Variants in ALOX15B observed in about 807,000 individuals in gnomAD.
The protein encoded by ALOX15B is arachidonate 15-lipoxygenase type B, also known as polyunsaturated fatty acid lipoxygenase ALOX15B.
A neutral mutation model predicts 73.8 loss-of-function variants in ALOX15B; 74 were observed. The observed-to-expected ratio is 1.00, with a 90% CI of 0.83 to 1.22. The LOEUF (loss-of-function observed/expected upper bound fraction) is 1.22, where lower values mean the gene tolerates loss of function less well. ALOX15B is among the 50% of genes most tolerant of loss of function. The pLI is 0.00. For missense variants in ALOX15B, 896 were observed against 859.9 expected, an observed-to-expected ratio of 1.04 and a Z score of -0.52; for synonymous variants, 353 against 357.2, an observed-to-expected ratio of 0.99 and a Z score of 0.13.
At chr17:8,039,748 C>G in intron 2 of ALOX15B, 143 bp downstream of exon 2, 1 of 1,198,152 alleles carries the variant, frequency 8.3e-7, no homozygotes, top group South Asian at 1.5e-5. Context: ...ATGGCGGAGC[C>G]TTGGGGAGCG....
At position 8,045,228 on chromosome 17, in the gene ALOX15B, T is replaced by C; in HGVS notation, c.850-10T>C. 1.2e-6 allele frequency: 2 copies of C among 1,613,682 alleles called. No homozygotes were observed. Among genetic ancestry groups the C allele is most frequent in the Non-Finnish European group, 1.7e-6 (2 of 1,179,914 alleles). Reference sequence around the variant, plus strand: ...CCAGGTGGCAGCCCCAGATCTCCTTTCTTCTGCAGAAGGGCTCCCTGTTCT... The same window carrying C: ...CCAGGTGGCAGCCCCAGATCTCCTTCCTTCTGCAGAAGGGCTCCCTGTTCT... On this transcript the variant is annotated splice_polypyrimidine_tract_variant and intron_variant, in intron 6 of 13. Transcript: ENST00000380183.
Position 8,046,999 on chromosome 17 carries a change from C to A in ALOX15B, c.1380C>A (p.Ile460=), listed in dbSNP as rs1598166670. Residue 460 remains isoleucine (I), a synonymous_variant, in exon 10 of 14, where the codon ATC becomes ATA. Coordinates refer to ENST00000380183, the MANE Select transcript of ALOX15B (RefSeq NM_001141.3). Reference sequence around the variant, plus strand: ...CTCTCCTGTGTCTGCCTGAGGATATCCGGACCCGAGGAGTTGAAGACATCC... The same window carrying A: ...CTCTCCTGTGTCTGCCTGAGGATATACGGACCCGAGGAGTTGAAGACATCC... ...NYSLLCLPED[I]RTRGVEDIPG... 6.2e-7 allele frequency: 1 copy of A among 1,614,086 alleles called. No homozygotes were observed. The highest frequency in any genetic ancestry group is 2.2e-5 in the East Asian group (1 of 44,868).
rs766337032 is a variant in ALOX15B, at chr17:8,039,411, C to T, written c.173C>T (p.Pro58Leu). The T allele has an allele frequency of 4.3e-6, 7 of 1,612,938 alleles. No individual in the cohort carries two copies. The highest frequency in any genetic ancestry group is 1.7e-4 in the Middle Eastern group (1 of 6,054). The change falls in exon 2 of 14, where the codon CCG becomes CTG. Residue 58 changes from proline (P) to leucine (L), a missense_variant. Transcript: ENST00000380183. ...GAGGAGGACTTCCAGGTGACGCTCC[C>T]GGAGGACGTAGGCCGAGTGCTGCTG... ...GAEEDFQVTL[P>L]EDVGRVLLLR...
chr17:8,042,317 A>G, intron 3 of ALOX15B, 52 bp from the exon 4 acceptor site: 3 of 1,601,914 alleles, frequency 1.9e-6, no homozygotes, highest in Admixed American at 3.4e-5. Context: ...CTGCCCTAGC[A>G]AAGAGTCTCC....
intron 10 of ALOX15B, 66 bp downstream of exon 10, chr17:8,047,142 AG>A (rs2151815027): frequency 6.2e-7 from 1 of 1,609,038 alleles, no homozygotes; most frequent in South Asian, 1.1e-5. Context: ...AAGGAGACTG[AG>A]GCCCCAGGGA....
chr17:8,045,449 A>G (rs1976580286), intron 7 of ALOX15B, 34 bp from the exon 8 acceptor site: 2 of 1,613,528 alleles, frequency 1.2e-6, no homozygotes, highest in African/African-American at 1.3e-5. Context: ...GAAGACACTC[A>G]TGGCTGCCTC....
rs914107885 is a variant in ALOX15B, at chr17:8,039,979, T to A, written c.445T>A (p.Tyr149Asn). ...GGAGCTTCAGGCCCGGCAGGAGATG[T>A]ACCAGTGAGGAGGGGGTTACTGATG... ...QEELQARQEMYQWKAYNPGWP... is the reference protein window; with the variant it reads ...QEELQARQEMNQWKAYNPGWP... Residue 149 changes from tyrosine (Y) to asparagine (N), a missense_variant, in exon 3 of 14, where the codon TAC becomes AAC. Transcript: ENST00000380183. The A allele has an allele frequency of 4.3e-6, 7 of 1,612,226 alleles. No individual in the cohort carries two copies. Among genetic ancestry groups the A allele is most frequent in the Non-Finnish European group, 5.9e-6 (7 of 1,179,152 alleles).
chr17:8,039,782 G>T, intron 2 of ALOX15B, 120 bp from the exon 3 acceptor site: 1 of 1,231,344 alleles, frequency 8.1e-7, no homozygotes, highest in Non-Finnish European at 1.1e-6. Context: ...TGGTGTAGGA[G>T]AAACTGTACT....
At position 8,042,877 on chromosome 17, in the gene ALOX15B, A is replaced by G. The variant is rs1360451575; in HGVS notation, c.669A>G (p.Pro223=). ...MKRIFNFRRT[P]AAEHAFEHWQ... is the part of the protein sequence containing the mutation. The stretch of plus-strand genomic sequence containing the variant: ...GGATCTTCAACTTCCGGAGGACCCC[A>G]GCAGCTGGTGAGGAGCTTGGGCCAG... Residue 223 remains proline (P), a synonymous_variant, in exon 5 of 14, where the codon CCA becomes CCG. Transcript: ENST00000380183. 2 of 1,552,046 alleles carry G rather than the reference A, an allele frequency of 1.3e-6. No individual in the cohort carries two copies. Among genetic ancestry groups the G allele is most frequent in the Non-Finnish European group, 1.7e-6 (2 of 1,147,338 alleles).
intron 8 of ALOX15B, 43 bp downstream of exon 8, chr17:8,045,729 T>C: frequency 6.3e-7 from 1 of 1,599,004 alleles, no homozygotes; most frequent in Non-Finnish European, 8.5e-7. Context: ...CCCATGCCTC[T>C]GTGCCTCTTC....
At position 8,046,679 on chromosome 17, in the gene ALOX15B, G is replaced by T. The variant is rs765623656; in HGVS notation, c.1212G>T (p.Pro404=). The change falls in exon 9 of 14, where the codon CCG becomes CCT. Residue 404 remains proline (P), a synonymous_variant. Transcript: ENST00000380183. ...TTCCTGCCATGCAGCTGCTGATCCC[G>T]CACACCCGATACACCCTGCACATCA... The part of the protein sequence containing the change: ...HCHPLFKLLI[P]HTRYTLHINT... 3 of 1,613,272 alleles carry T rather than the reference G, an allele frequency of 1.9e-6. No homozygotes were observed. In the African/African-American group the frequency reaches 4.0e-5, roughly 22 times the overall value.
At chr17:8,044,294 T>C (rs1448431701) in intron 5 of ALOX15B, among the ~76,000 whole-genome samples, 4 of 151,110 alleles carry the variant, frequency 2.6e-5, no homozygotes, top group South Asian at 2.1e-4. Context: ...TGCTGGTGTG[T>C]GCCTGTAATC....
Position 8,039,444 on chromosome 17 carries a change from T to A in ALOX15B, c.206T>A (p.Val69Glu). ...GTAGGCCGAGTGCTGCTGCTGCGCG[T>A]GCACAAGGCGCCCCCAGTGCTGCCC... ...EDVGRVLLLR[V>E]HKAPPVLPLL... Residue 69 changes from valine (V) to glutamate (E), a missense_variant, in exon 2 of 14, where the codon GTG (valine) becomes GAG (glutamate). Transcript: ENST00000380183. The A allele has an allele frequency of 6.2e-7, 1 of 1,610,738 alleles. No individual in the cohort carries two copies. The highest frequency in any genetic ancestry group is 8.5e-7 in the Non-Finnish European group (1 of 1,178,992).
At position 8,048,410 on chromosome 17, in the gene ALOX15B, G is replaced by A; in HGVS notation, c.1876G>A (p.Glu626Lys). 2 of 1,613,672 alleles carry A rather than the reference G, an allele frequency of 1.2e-6. No individual in the cohort carries two copies. Among genetic ancestry groups the A allele is most frequent in the African/African-American group, 1.3e-5 (1 of 75,054 alleles). ...DQRPLGTYPD[E>K]HFTEEAPRRS... is the part of the protein sequence containing the mutation. ...GAGGCCCCTGGGCACCTATCCGGAT[G>A]AGCACTTCACAGAGGAGGCCCCTCG... Residue 626 changes from glutamate (E) to lysine (K), a missense_variant, in exon 14 of 14, where the codon GAG becomes AAG. Coordinates refer to ENST00000380183, the MANE Select transcript of ALOX15B (RefSeq NM_001141.3).
At chr17:8,043,869 G>A (rs775608771) in intron 5 of ALOX15B, among the ~76,000 whole-genome samples, 16 of 152,134 alleles carry the variant, frequency 1.1e-4, no homozygotes, top group Non-Finnish European at 2.1e-4. Context: ...AGGAGTTTGA[G>A]ACCAGGCTGG....
chr17:8,047,288 C>T lies in ALOX15B; in HGVS notation c.1488C>T (p.Tyr496=). 1 of 1,613,922 alleles carries T rather than the reference C, an allele frequency of 6.2e-7. No individual in the cohort carries two copies. Among genetic ancestry groups the T allele is most frequent in the Non-Finnish European group, 8.5e-7 (1 of 1,179,816 alleles). The change falls in exon 11 of 14, where the codon TAC becomes TAT. Residue 496 remains tyrosine, a synonymous_variant. Transcript: ENST00000380183. The part of the protein sequence containing the change: ...RFVSEIIGIY[Y]PSDESVQDDR... Reference sequence around the variant, plus strand: ...TCTCTGAAATCATCGGTATCTACTACCCAAGTGATGAGTCTGTCCAAGATG... The same window carrying T: ...TCTCTGAAATCATCGGTATCTACTATCCAAGTGATGAGTCTGTCCAAGATG...
chr17:8,039,808 C>A, intron 2 of ALOX15B, 94 bp from the exon 3 acceptor site: 1 of 1,339,242 alleles, frequency 7.5e-7, no homozygotes, highest in Non-Finnish European at 1.0e-6. Flanking sequence ...GAGGAGGGGA[C>A]CTGGTAGAGG....
rs750521530 is a variant in ALOX15B at position 8,047,370 on chromosome 17, G to A, written c.1570G>A (p.Glu524Lys). 6 of 1,613,860 alleles carry A rather than the reference G, an allele frequency of 3.7e-6. No homozygotes were observed. The East Asian group carries it at 1.1e-4, about 30-fold the overall frequency. The change falls in exon 11 of 14, where the codon GAG becomes AAG. Residue 524 changes from glutamate to lysine, a missense_variant. Transcript: ENST00000380183. ...CTTCTCCAAGGGCTTCCTAAACCAG[G>A]AGAGCTCAGGTACAGGGACCTCAGC... Reference protein sequence around the residue: ...EIFSKGFLNQESSGIPSSLET... With the variant: ...EIFSKGFLNQKSSGIPSSLET...
In ALOX15B at chr17:8,047,072, G is replaced by A. The variant is rs1410960892; in HGVS notation, c.1453G>A (p.Glu485Lys). ...TGGGATGCAGATCTGGGGTGCAGTG[G>A]AACGGTGAGGGGCCGTCCCTGGAGA... ...DDGMQIWGAV[E>K]RFVSEIIGIY... Residue 485 changes from glutamate to lysine, a missense_variant, in exon 10 of 14, where the codon GAA becomes AAA. Glu to Lys is a moderately conservative substitution (Grantham distance 56). Coordinates refer to ENST00000380183, the MANE Select transcript of ALOX15B (RefSeq NM_001141.3). The A allele has an allele frequency of 3.7e-6, 6 of 1,613,434 alleles. No individual in the cohort carries two copies. The highest frequency in any genetic ancestry group is 4.2e-6 in the Non-Finnish European group (5 of 1,180,012).
Sources: allele counts gnomAD v4.1 joint callset (sites outside exome capture counted in the v4.1 genomes callset), GRCh38; gene constraint gnomAD v4.1.1; transcripts MANE v1.5; gene names NCBI Gene and HGNC (gene_info 2026-07-23, HGNC 2026-07-21).